The following PPP6R3 variants were observed in gnomAD, a reference collection of about 807,000 sequenced individuals.
The protein encoded by PPP6R3 is protein phosphatase 6 regulatory subunit 3, also known as serine/threonine-protein phosphatase 6 regulatory subunit 3.
Under a neutral mutation model 110.7 loss-of-function variants are expected in PPP6R3, and 38 were observed. That is an observed-to-expected ratio of 0.34 (90% confidence interval 0.26 to 0.45). The LOEUF (loss-of-function observed/expected upper bound fraction) is 0.45, where lower values mean the gene tolerates loss of function less well. Among genes scored for constraint, PPP6R3 ranks in the 20% least tolerant of loss-of-function variants. The pLI is 1.00. For missense variants in PPP6R3, 870 were observed against 1,062.4 expected (o/e 0.82, Z 2.52); for synonymous variants, 369 against 373.5 (o/e 0.99, Z 0.14).
intron 1 of PPP6R3, among the ~76,000 whole-genome samples, chr11:68,479,433 TTGA>T (rs796173514): frequency 3.9e-5 from 6 of 152,328 alleles, no homozygotes; most frequent in African/African-American, 1.4e-4. Flanking sequence ...TTTGGATTGT[TTGA>T]TGAGGGACGC....
chr11:68,534,001 G>GT (rs906327345), intron 2 of PPP6R3, among the ~76,000 whole-genome samples: 5 of 152,162 alleles, frequency 3.3e-5, no homozygotes, highest in Non-Finnish European at 7.3e-5. Flanking sequence ...CCATGTTTTG[G>GT]TTCTGCCATC....
At chr11:68,560,328 G>C (rs1325496018) in intron 8 of PPP6R3, among the ~76,000 whole-genome samples, 2 of 152,158 alleles carry the variant, frequency 1.3e-5, no homozygotes, top group African/African-American at 4.8e-5. Flanking sequence ...TAGGAAAAAA[G>C]TAGAAAAGAG....
chr11:68,600,214 C>A (rs2099627396), intron 19 of PPP6R3, 127 bp from the exon 20 acceptor site: 1 of 1,056,706 alleles, frequency 9.5e-7, no homozygotes, highest in Admixed American at 1.9e-5. Context: ...CCGCTCCTGC[C>A]CTCATTGGTG....
chr11:68,462,587 A>G (rs999494371), intron 1 of PPP6R3, among the ~76,000 whole-genome samples: 4 of 152,224 alleles, frequency 2.6e-5, no homozygotes, highest in Non-Finnish European at 2.9e-5. Flanking sequence ...CGTGGATTGC[A>G]GTATTCTTCA....
intron 18 of PPP6R3, among the ~76,000 whole-genome samples, chr11:68,594,362 G>C (rs2099606662): frequency 6.7e-6 from 1 of 148,612 alleles, no homozygotes. Context: ...GAGAGAGAGA[G>C]TGAGTTAAAT....
At chr11:68,485,105 T>C (rs369702145) in intron 1 of PPP6R3, among the ~76,000 whole-genome samples, 1 of 152,054 alleles carries the variant, frequency 6.6e-6, no homozygotes, top group Admixed American at 6.6e-5. Context: ...CTTGTACATA[T>C]TTTGTTTTAT....
At chr11:68,508,060 T>C (rs929508111) in intron 1 of PPP6R3, among the ~76,000 whole-genome samples, 21 of 150,012 alleles carry the variant, frequency 1.4e-4, no homozygotes, top group Admixed American at 4.7e-4. Context: ...AAAATTTATA[T>C]GAGAGGATAG....
At chr11:68,599,461 A>G (rs1195006475) in intron 19 of PPP6R3, among the ~76,000 whole-genome samples, 1 of 152,264 alleles carries the variant, frequency 6.6e-6, no homozygotes, top group African/African-American at 2.4e-5. Context: ...CTGCCGCTTC[A>G]GCCTCTGAGG....
At chr11:68,597,614 A>G (rs890362898) in intron 19 of PPP6R3, among the ~76,000 whole-genome samples, 3 of 152,144 alleles carry the variant, frequency 2.0e-5, no homozygotes, top group African/African-American at 7.2e-5. Context: ...AGGAGGAGAC[A>G]GGGCAGATGC....
At chr11:68,581,736 C>A (rs1278641034) in intron 14 of PPP6R3, among the ~76,000 whole-genome samples, 1 of 152,242 alleles carries the variant, frequency 6.6e-6, no homozygotes, top group African/African-American at 2.4e-5. Flanking sequence ...ACATCTTTAC[C>A]CAGTAACTCA....
chr11:68,544,108 T>C (rs551310159), intron 3 of PPP6R3, among the ~76,000 whole-genome samples: 1 of 152,278 alleles, frequency 6.6e-6, no homozygotes, highest in African/African-American at 2.4e-5. Flanking sequence ...TTGTTTTGTT[T>C]TGGTTTTGAC....
rs1279841262 is a variant in PPP6R3 at position 68,601,877 on chromosome 11, T to C, written c.2207T>C (p.Leu736Ser). 13 of 1,613,210 alleles carry C rather than the reference T, an allele frequency of 8.1e-6. No homozygotes were observed. Among genetic ancestry groups the C allele is most frequent in the South Asian group, 1.1e-5 (1 of 90,904 alleles). The change falls in exon 21 of 24, where the codon TTA becomes TCA. Residue 736 changes from leucine (L) to serine (S), a missense_variant. Transcript: ENST00000393800. ...TTTTTTGAAAGCACAAAAGATTCTT[T>C]AAGGAGTAATTCTCCAGTGGAAATG... ...FTSSLSTKDS[L>S]RSNSPVEMET...
intron 1 of PPP6R3, among the ~76,000 whole-genome samples, chr11:68,495,712 C>A (rs1315495519): frequency 2.0e-5 from 3 of 152,108 alleles, no homozygotes; most frequent in Admixed American, 2.0e-4. Context: ...GGGAATATTA[C>A]CTTTTATTTA....
intron 4 of PPP6R3, among the ~76,000 whole-genome samples, chr11:68,546,492 G>A (rs1392424137): frequency 6.6e-6 from 1 of 152,234 alleles, no homozygotes; most frequent in Admixed American, 6.5e-5. Flanking sequence ...CCTTTTGCTT[G>A]TTACACTTCC....
rs1428987267 is a variant in PPP6R3, at chr11:68,466,542, C to T, written c.-158+5715C>T. Among the ~76,000 whole-genome samples, 3 of 151,718 alleles carry T rather than the reference C, an allele frequency of 2.0e-5. No homozygotes were observed. In the East Asian group the frequency reaches 5.8e-4, roughly 29 times the overall value. ...CCAGCTCTGCCTCCCGGGTTCACGC[C>T]ATTCTCCTGCCTCAGCCTCCCCAGT... On this transcript the variant is annotated intron_variant, in intron 1 of 23. Transcript: ENST00000393800.
intron 1 of PPP6R3, among the ~76,000 whole-genome samples, chr11:68,510,936 T>C (rs2099105572): frequency 6.6e-6 from 1 of 152,200 alleles, no homozygotes; most frequent in East Asian, 1.9e-4. Flanking sequence ...GGCTCTCTCT[T>C]CTCTCCTTTA....
chr11:68,461,656 C>T (rs753986101), intron 1 of PPP6R3, among the ~76,000 whole-genome samples: 3 of 152,114 alleles, frequency 2.0e-5, no homozygotes, highest in African/African-American at 2.4e-5. Context: ...GGATGTACCT[C>T]CGTGCCCTGA....
intron 2 of PPP6R3, among the ~76,000 whole-genome samples, chr11:68,526,472 G>C (rs1335744269): frequency 2.0e-5 from 3 of 152,024 alleles, no homozygotes; most frequent in Non-Finnish European, 2.9e-5. Flanking sequence ...TTGAACTCCT[G>C]GACTAAAGTG....
At chr11:68,567,723 A>C (rs1565897014) in intron 10 of PPP6R3, among the ~76,000 whole-genome samples, 1 of 152,142 alleles carries the variant, frequency 6.6e-6, no homozygotes, top group Non-Finnish European at 1.5e-5. Flanking sequence ...TCTGGAGCCC[A>C]TGCTTCTTCT....
Sources: allele counts gnomAD v4.1 joint callset (sites outside exome capture counted in the v4.1 genomes callset), GRCh38; gene constraint gnomAD v4.1.1; transcripts MANE v1.5; gene names NCBI Gene and HGNC (gene_info 2026-07-23, HGNC 2026-07-21).